The following AGPAT4 variants were observed in gnomAD, a reference collection of about 807,000 sequenced individuals.
AGPAT4 encodes the protein 1-acylglycerol-3-phosphate O-acyltransferase 4.
In AGPAT4, 15 loss-of-function variants were observed where a neutral mutation model predicts 48.0. That is an observed-to-expected ratio of 0.31 (90% confidence interval 0.21 to 0.48). The LOEUF (loss-of-function observed/expected upper bound fraction) is 0.48. Among genes scored for constraint, AGPAT4 ranks in the 20% least tolerant of loss-of-function variants. AGPAT4 has a pLI of 0.99. For missense variants in AGPAT4, 314 were observed against 482.5 expected (o/e 0.65, Z 3.27); for synonymous variants, 178 against 198.7 (o/e 0.90, Z 0.88).
In AGPAT4 at chr6:161,260,564, G is replaced by A. The variant is rs556896139; in HGVS notation, c.-90+13374C>T. On this transcript the variant is annotated intron_variant, in intron 1 of 8. Coordinates refer to ENST00000320285, the MANE Select transcript of AGPAT4 (RefSeq NM_020133.3). ...CTACTCAGGAGGCTGAGGCAGGCAG[G>A]AGAATCACTTGAACCTGGGAGGCGG... Among the ~76,000 whole-genome samples, 162 of 146,646 alleles carry A rather than the reference G, an allele frequency of 1.1e-3. 1 individual carries two copies. The highest frequency in any genetic ancestry group is 3.9e-3 in the African/African-American group (158 of 40,052).
chr6:161,153,286 A>C, intron 5 of AGPAT4, 60 bp downstream of exon 5: 1 of 1,549,346 alleles, frequency 6.5e-7, no homozygotes, highest in Non-Finnish European at 8.7e-7. Context: ...GCCCATCCGG[A>C]GCTGGGGCTT....
At chr6:161,185,142 T>TAAA (rs11299421) in intron 2 of AGPAT4, among the ~76,000 whole-genome samples, 1 of 135,102 alleles carries the variant, frequency 7.4e-6, no homozygotes, top group Admixed American at 7.4e-5. Context: ...TCCAAATGTT[T>TAAA]AAAAAAAAAA....
In AGPAT4 at chr6:161,226,782, G is replaced by A. The variant is rs1279286291; in HGVS notation, c.178+5254C>T. Among the ~76,000 whole-genome samples the A allele has an allele frequency of 1.3e-5, 2 of 152,182 alleles. No individual in the cohort carries two copies. The highest frequency in any genetic ancestry group is 4.8e-5 in the African/African-American group (2 of 41,460). On this transcript the variant is annotated intron_variant, in intron 2 of 8. Transcript: ENST00000320285. This position sits in a 1 kb window ranked among gnomAD's most constrained non-coding sequence, Gnocchi z 6.3. ...CCTGAGAGGCCACCTTGCCTTCCCTGTGCTGCCGGGCAGGAGGGTCTGCAG... is the reference window on the plus strand; with the variant it reads ...CCTGAGAGGCCACCTTGCCTTCCCTATGCTGCCGGGCAGGAGGGTCTGCAG...
Position 161,134,093 on chromosome 6 carries a change from T to C in AGPAT4, c.*2447A>G, listed in dbSNP as rs1287063148. ...AGGTTCCCAGGCTGCATAACAAAAT[T>C]GTTCTTCGTGGACAGGTCAAATGAC... On this transcript the variant is annotated 3_prime_UTR_variant, in exon 9 of 9. Transcript: ENST00000320285. 6.6e-6 allele frequency: 1 copy of C among 152,178 alleles called. No individual in the cohort carries two copies. Among genetic ancestry groups the C allele is most frequent in the African/African-American group, 2.4e-5 (1 of 41,424 alleles). The allele number at this position is 152,178 out of a possible 1,614,324, so 9.4% of individuals were successfully genotyped here.
chr6:161,203,471 C>A (rs1390401608), intron 2 of AGPAT4, among the ~76,000 whole-genome samples: 2 of 147,690 alleles, frequency 1.4e-5, no homozygotes, highest in Non-Finnish European at 3.0e-5. Flanking sequence ...TCACTGCAAC[C>A]TCCACCTCCT....
Position 161,146,489 on chromosome 6 carries a change from A to C in AGPAT4, c.843+35T>G. 6.2e-7 allele frequency: 1 copy of C among 1,607,736 alleles called. No homozygotes were observed. Among genetic ancestry groups the C allele is most frequent in the Non-Finnish European group, 8.5e-7 (1 of 1,175,788 alleles). On this transcript the variant is annotated intron_variant, in intron 7 of 8. Coordinates refer to ENST00000320285, the MANE Select transcript of AGPAT4 (RefSeq NM_020133.3). This position sits in a 1 kb window ranked among gnomAD's most constrained non-coding sequence, Gnocchi z 7.1. ...AGCCACACGGCGCACCCACAGCTGC[A>C]ACGTGAAGGGACCCCTGGCACCCAG...
At chr6:161,152,701 C>G (rs1275998496) in intron 5 of AGPAT4, among the ~76,000 whole-genome samples, 1 of 152,146 alleles carries the variant, frequency 6.6e-6, no homozygotes, top group Non-Finnish European at 1.5e-5. Flanking sequence ...AAGGAGACAG[C>G]TTCGCCTGAA....
At position 161,186,665 on chromosome 6, in the gene AGPAT4, C is replaced by T. The variant is rs775131388; in HGVS notation, c.179-20248G>A. The stretch of plus-strand genomic sequence containing the variant: ...GCCTCTGCTGGCTCCGCACGATCAA[C>T]CAGATGACTGCAGGCTCCCCAGCAA... On this transcript the variant is annotated intron_variant, in intron 2 of 8. Coordinates refer to ENST00000320285, the MANE Select transcript of AGPAT4 (RefSeq NM_020133.3). Among the ~76,000 whole-genome samples the T allele has an allele frequency of 5.3e-5, 8 of 152,102 alleles. No individual in the cohort carries two copies. The East Asian group carries it at 1.4e-3, about 26-fold the overall frequency.
At chr6:161,192,142 C>CTTTT (rs573872820) in intron 2 of AGPAT4, among the ~76,000 whole-genome samples, 40 of 45,642 alleles carry the variant, frequency 8.8e-4, no homozygotes, top group South Asian at 3.8e-3. Flanking sequence ...AGAAGTTATA[C>CTTTT]TTTTTTTTTT....
intron 3 of AGPAT4, among the ~76,000 whole-genome samples, chr6:161,162,644 C>T (rs1210355018): frequency 1.3e-5 from 2 of 152,190 alleles, no homozygotes; most frequent in Admixed American, 1.3e-4. Context: ...TTTTAAGCCG[C>T]TATGTTTTGG....
In AGPAT4 at chr6:161,200,331, G is replaced by T. The variant is rs547613217; in HGVS notation, c.178+31705C>A. On this transcript the variant is annotated intron_variant, in intron 2 of 8. Coordinates refer to ENST00000320285, the MANE Select transcript of AGPAT4 (RefSeq NM_020133.3). This position sits in a 1 kb window ranked among gnomAD's most constrained non-coding sequence, Gnocchi z 5.5. ...ACTAATATTTCACATTAAGGCCTGT[G>T]TGCCAGGTACTATAGGAAGGGATGC... 1.3e-5 allele frequency among the ~76,000 whole-genome samples: 2 copies of T among 152,354 alleles called. No homozygotes were observed. Among genetic ancestry groups the T allele is most frequent in the African/African-American group, 4.8e-5 (2 of 41,576 alleles).
Position 161,180,885 on chromosome 6 carries a change from A to C in AGPAT4, c.179-14468T>G, listed in dbSNP as rs139084627. Among the ~76,000 whole-genome samples the C allele has an allele frequency of 8.6e-4, 131 of 152,316 alleles. No individual in the cohort carries two copies. The highest frequency in any genetic ancestry group is 2.3e-3 in the Admixed American group (35 of 15,292). On this transcript the variant is annotated intron_variant, in intron 2 of 8. Coordinates refer to ENST00000320285, the MANE Select transcript of AGPAT4 (RefSeq NM_020133.3). This position sits in a 1 kb window ranked among gnomAD's most constrained non-coding sequence, Gnocchi z 6.4. Reference sequence around the variant, plus strand: ...AAGCCAAAACAGATTTGGTTTTATTATATTTGCCATTGTGCTGTTCAGCTT... The same window carrying C: ...AAGCCAAAACAGATTTGGTTTTATTCTATTTGCCATTGTGCTGTTCAGCTT...
chr6:161,260,668 A>C lies in AGPAT4; in HGVS notation c.-90+13270T>G, dbSNP rs143822907. On this transcript the variant is annotated intron_variant, in intron 1 of 8. Coordinates refer to ENST00000320285, the MANE Select transcript of AGPAT4 (RefSeq NM_020133.3). ...GAGACTACGTCTCAAAAAAAAAAAAAAAAAAAAAAAAAAACAGGATTCAGC... is the reference window on the plus strand; with the variant it reads ...GAGACTACGTCTCAAAAAAAAAAAACAAAAAAAAAAAAAACAGGATTCAGC... Among the ~76,000 whole-genome samples, 1,002 of 149,582 alleles carry C rather than the reference A, an allele frequency of 6.7e-3. 9 individuals are homozygous for C. The highest frequency in any genetic ancestry group is 0.011 in the Non-Finnish European group (712 of 67,282).
rs749130845 is a variant in AGPAT4 at position 161,148,192 on chromosome 6, G to A, written c.767+995C>T. Among the ~76,000 whole-genome samples the A allele has an allele frequency of 1.6e-4, 24 of 152,188 alleles. No individual in the cohort carries two copies. The highest frequency in any genetic ancestry group is 1.1e-3 in the Admixed American group (17 of 15,282). Reference sequence around the variant, plus strand: ...AGGAGAAGGTCTAAAGGTCTCCTTCGGGCAGGTGGGTGATTCTCCTGCCTT... The same window carrying A: ...AGGAGAAGGTCTAAAGGTCTCCTTCAGGCAGGTGGGTGATTCTCCTGCCTT... On this transcript the variant is annotated intron_variant, in intron 6 of 8. Transcript: ENST00000320285. This position sits in a 1 kb window ranked among gnomAD's most constrained non-coding sequence, Gnocchi z 5.5.
intron 1 of AGPAT4, among the ~76,000 whole-genome samples, chr6:161,271,361 G>A (rs557782247): frequency 1.3e-5 from 2 of 152,198 alleles, no homozygotes; most frequent in Non-Finnish European, 2.9e-5. Flanking sequence ...GCGTCTCCTT[G>A]ACTGGCTGTT....
chr6:161,156,640 G>A (rs948934930), intron 3 of AGPAT4, among the ~76,000 whole-genome samples: 2 of 152,254 alleles, frequency 1.3e-5, no homozygotes, highest in Non-Finnish European at 2.9e-5. Context: ...TTGCTGGGCT[G>A]TTGGGAACAG....
At chr6:161,260,939 C>G (rs1043745952) in intron 1 of AGPAT4, among the ~76,000 whole-genome samples, 2 of 152,160 alleles carry the variant, frequency 1.3e-5, no homozygotes, top group African/African-American at 4.8e-5. Context: ...CTGATTTCAC[C>G]AGGCAGGGCC....
Position 161,219,985 on chromosome 6 carries a change from C to T in AGPAT4, c.178+12051G>A, listed in dbSNP as rs1396447600. Among the ~76,000 whole-genome samples, 1 of 150,662 alleles carries T rather than the reference C, an allele frequency of 6.6e-6. No homozygotes were observed. Among genetic ancestry groups the T allele is most frequent in the African/African-American group, 2.5e-5 (1 of 40,774 alleles). On this transcript the variant is annotated intron_variant, in intron 2 of 8. Coordinates refer to ENST00000320285, the MANE Select transcript of AGPAT4 (RefSeq NM_020133.3). This position sits in a 1 kb window ranked among gnomAD's most constrained non-coding sequence, Gnocchi z 4.9. Reference sequence around the variant, plus strand: ...AGACAGACAGGCAGGCAGATAGATACATTTAAAAAATAAATGGATTATTAC... The same window carrying T: ...AGACAGACAGGCAGGCAGATAGATATATTTAAAAAATAAATGGATTATTAC...
At chr6:161,181,762 C>T (rs569729321) in intron 2 of AGPAT4, among the ~76,000 whole-genome samples, 1 of 152,102 alleles carries the variant, frequency 6.6e-6, no homozygotes, top group African/African-American at 2.4e-5. Context: ...CCCACTCACA[C>T]GTCCGCACCA....
Sources: gnomAD v4.1 joint callset for allele counts (sites outside exome capture counted in the v4.1 genomes callset) on GRCh38, gnomAD v4.1.1 for gene constraint, Gnocchi (gnomAD v3.1) non-coding constraint, MANE v1.5 for transcripts, NCBI Gene and HGNC (gene_info 2026-07-23, HGNC 2026-07-21) for gene names.